PTPN22: variants seen among roughly 807,000 people sequenced by gnomAD.
The protein encoded by PTPN22 is protein tyrosine phosphatase non-receptor type 22, also known as tyrosine-protein phosphatase non-receptor type 22.
In PTPN22, 85 loss-of-function variants were observed where a neutral mutation model predicts 103.3. That is an observed-to-expected ratio of 0.82 (90% CI 0.69 to 0.99). The LOEUF (loss-of-function observed/expected upper bound fraction) is 0.99, where lower values mean the gene tolerates loss of function less well. Ranked by LOEUF, PTPN22 falls within the 50% of genes least tolerant of loss-of-function variation. PTPN22 has a pLI of 0.00. For missense variants in PTPN22, 865 were observed against 936.9 expected, an observed-to-expected ratio of 0.92 and a Z score of 1.00; for synonymous variants, 323 against 310.2, an observed-to-expected ratio of 1.04 and a Z score of -0.43.
At chr1:113,850,917 C>T (rs899750254) in intron 10 of PTPN22, among the ~76,000 whole-genome samples, 45 of 152,108 alleles carry the variant, frequency 3.0e-4, no homozygotes, top group African/African-American at 1.0e-3. Flanking sequence ...TAATAAACAT[C>T]AATACACGTT....
chr1:113,818,247 C>T (rs1479193868), intron 20 of PTPN22, among the ~76,000 whole-genome samples: 1 of 151,992 alleles, frequency 6.6e-6, no homozygotes, highest in Non-Finnish European at 1.5e-5. Flanking sequence ...TCACTGCAAC[C>T]TCCGACTCCC....
chr1:113,817,641 C>A (rs1661270878), intron 20 of PTPN22, among the ~76,000 whole-genome samples: 1 of 152,024 alleles, frequency 6.6e-6, no homozygotes, highest in Admixed American at 6.6e-5. Context: ...GAGACAGAGT[C>A]TCACTGTGTT....
chr1:113,839,618 T>C (rs1282775518), intron 11 of PTPN22, among the ~76,000 whole-genome samples: 1 of 152,158 alleles, frequency 6.6e-6, no homozygotes, highest in Admixed American at 6.5e-5. Context: ...ATTTCAGAGA[T>C]GTTAAAATCC....
chr1:113,814,722 G>C (rs1245724340), exon 21 of PTPN22: 11 of 573,292 alleles, frequency 1.9e-5, no homozygotes. Flanking sequence ...CAATGCAAAT[G>C]ATATGAAAAT....
intron 9 of PTPN22, among the ~76,000 whole-genome samples, chr1:113,853,875 T>C (rs1206844332): frequency 1.5e-5 from 2 of 137,080 alleles, no homozygotes; most frequent in Non-Finnish European, 3.2e-5. Flanking sequence ...TTTTTTTTTT[T>C]TTTTTTTTGA....
intron 5 of PTPN22, 194 bp downstream of exon 5, chr1:113,857,544 G>A (rs1264278906): frequency 3.7e-6 from 2 of 540,458 alleles, no homozygotes; most frequent in Non-Finnish European, 6.6e-6. Context: ...AGGGTCTACT[G>A]AGAAAACAAA....
chr1:113,856,290 TTGTCTTATGCCCAG>T, intron 7 of PTPN22, 78 bp downstream of exon 7: 1 of 1,425,528 alleles, frequency 7.0e-7, no homozygotes. Context: ...CCACTTCCCA[TTGTCTTATGCCCAG>T]CCTGAGCTAC....
At chr1:113,858,948 C>T in intron 3 of PTPN22, 54 bp downstream of exon 3, 7 of 1,581,994 alleles carry the variant, frequency 4.4e-6, no homozygotes, top group Non-Finnish European at 5.2e-6. Context: ...CAGCCCTCCC[C>T]TTTTTTTGGG....
At chr1:113,824,607 T>G (rs1214107538) in intron 19 of PTPN22, among the ~76,000 whole-genome samples, 5 of 152,196 alleles carry the variant, frequency 3.3e-5, no homozygotes, top group African/African-American at 1.2e-4. Flanking sequence ...CACAATATGC[T>G]TTGCTGTGAC....
chr1:113,832,249 G>T (rs933748017), intron 16 of PTPN22, among the ~76,000 whole-genome samples: 1 of 152,062 alleles, frequency 6.6e-6, no homozygotes, highest in Non-Finnish European at 1.5e-5. Context: ...GTGCAGTGGC[G>T]CAATCTCAGC....
chr1:113,830,871 A>AT (rs1371144862), intron 16 of PTPN22, among the ~76,000 whole-genome samples: 19 of 152,180 alleles, frequency 1.2e-4, no homozygotes, highest in African/African-American at 4.3e-4. Flanking sequence ...GTAAAGTACA[A>AT]GAGGTTCACA....
At chr1:113,842,999 C>G (rs949554136) in intron 11 of PTPN22, among the ~76,000 whole-genome samples, 3 of 138,292 alleles carry the variant, frequency 2.2e-5, no homozygotes, top group African/African-American at 8.4e-5. Context: ...ACTTGGGAGG[C>G]TGAGGCAGGA....
intron 5 of PTPN22, 89 bp downstream of exon 5, chr1:113,857,649 T>C (rs1268410157): frequency 1.3e-5 from 16 of 1,202,446 alleles, no homozygotes; most frequent in Non-Finnish European, 1.7e-5. Flanking sequence ...TTTATCTAGG[T>C]ACACTCAGGT....
At chr1:113,815,762 T>A (rs2101849221) in intron 20 of PTPN22, among the ~76,000 whole-genome samples, 1 of 152,336 alleles carries the variant, frequency 6.6e-6, no homozygotes, top group Non-Finnish European at 1.5e-5. Flanking sequence ...CACTGCAACC[T>A]CCGCCTCCCG....
intron 1 of PTPN22, among the ~76,000 whole-genome samples, chr1:113,869,487 C>T (rs75511728): frequency 0.15 from 23,239 of 151,768 alleles, 2,009 homozygotes; most frequent in East Asian, 0.22. Context: ...CTCTGCCTCC[C>T]GAGTTTAAGC....
chr1:113,835,131 A>T (rs1053907403), intron 13 of PTPN22, 138 bp from the exon 14 acceptor site: 3 of 490,138 alleles, frequency 6.1e-6, no homozygotes, highest in Non-Finnish European at 1.0e-5. Flanking sequence ...AGTAAAGTTG[A>T]CACTTGTTCA....
intron 18 of PTPN22, among the ~76,000 whole-genome samples, chr1:113,825,381 T>C (rs1238339101): frequency 1.3e-5 from 2 of 152,132 alleles, no homozygotes; most frequent in African/African-American, 2.4e-5. Flanking sequence ...CCCATGCAAG[T>C]ATCACACTAC....
At chr1:113,826,697 T>C (rs1662101975) in intron 18 of PTPN22, among the ~76,000 whole-genome samples, 1 of 117,344 alleles carries the variant, frequency 8.5e-6, no homozygotes, top group Middle Eastern at 5.7e-3. Context: ...TGAGACGGAG[T>C]CTCGCTCTGT....
intron 8 of PTPN22, 55 bp from the exon 9 acceptor site, chr1:113,854,592 C>A: frequency 1.3e-6 from 2 of 1,514,374 alleles, no homozygotes; most frequent in Non-Finnish European, 1.8e-6. Flanking sequence ...GAGAATGGAC[C>A]ATTGACAGTA....
Sources: allele counts gnomAD v4.1 joint callset (sites outside exome capture counted in the v4.1 genomes callset), GRCh38; gene constraint gnomAD v4.1.1; transcripts MANE v1.5; gene names NCBI Gene and HGNC (gene_info 2026-07-23, HGNC 2026-07-21).